DST: variants seen among roughly 807,000 people sequenced by gnomAD.
The protein encoded by DST is bullous pemphigoid antigen.
DST carries 253 observed loss-of-function variants against 875.2 expected under a neutral mutation model. The ratio of observed to expected loss-of-function variants is 0.29; its 90% CI spans 0.26 to 0.32. The LOEUF (loss-of-function observed/expected upper bound fraction) is 0.32, where lower values mean the gene tolerates loss of function less well. DST is among the 10% of genes least tolerant of loss of function. DST has a pLI of 1.00. For synonymous variants in DST, 3,124 were observed against 3,197.1 expected, an observed-to-expected ratio of 0.98 and a Z score of 0.77; for missense variants, 8,287 against 9,111.6, an observed-to-expected ratio of 0.91 and a Z score of 3.68.
In DST at chr6:56,618,113, T is replaced by C. The variant is rs147572287; in HGVS notation, c.4930-3629A>G. The C allele has an allele frequency of 1.3e-4, 211 of 1,614,064 alleles. No homozygotes were observed. In the African/African-American group the frequency reaches 2.4e-3, roughly 18 times the overall value. On this transcript the variant is annotated intron_variant, in intron 36 of 103. Transcript: ENST00000680361. Reference sequence around the variant, plus strand: ...AATTTCAGACAGTCTTGTAATGGGGTTTGTCTCATCAAAAGTTATCTGTAA... The same window carrying C: ...AATTTCAGACAGTCTTGTAATGGGGCTTGTCTCATCAAAAGTTATCTGTAA...
rs773910675 is a variant in DST at position 56,615,521 on chromosome 6, G to A, written c.4930-1037C>T. 7.9e-5 allele frequency: 127 copies of A among 1,613,976 alleles called. No homozygotes were observed. Among genetic ancestry groups the A allele is most frequent in the Middle Eastern group, 6.6e-4 (4 of 6,060 alleles). On this transcript the variant is annotated intron_variant, in intron 36 of 103. Transcript: ENST00000680361. ...CAGTTATTTAAACATGTCCCATTAG[G>A]AAGAATAGTAGAGGCTAGAAATTCC... is the stretch of plus-strand genomic sequence containing the variant.
chr6:56,892,118 T>C (rs1787853694), intron 3 of DST, among the ~76,000 whole-genome samples: 1 of 152,206 alleles, frequency 6.6e-6, no homozygotes, highest in Non-Finnish European at 1.5e-5. Context: ...ATGATCACAC[T>C]ACTCACCTAT....
chr6:56,888,324 A>T lies in DST; in HGVS notation c.417+12097T>A, dbSNP rs547051080. 5.3e-4 allele frequency among the ~76,000 whole-genome samples: 80 copies of T among 152,348 alleles called. 2 individuals carry two copies. In the South Asian group the frequency reaches 0.017, roughly 32 times the overall value. On this transcript the variant is annotated intron_variant, in intron 3 of 103. Transcript: ENST00000680361. ...GTACAGCAATATGTAGCAAAGACTC[A>T]GTACATTGAATGGGTGTCATTCAAA... is the stretch of plus-strand genomic sequence containing the variant.
intron 55 of DST, among the ~76,000 whole-genome samples, chr6:56,564,289 C>T (rs989537682): frequency 5.9e-5 from 9 of 152,152 alleles, no homozygotes; most frequent in African/African-American, 1.7e-4. Context: ...AGAGGTCCTT[C>T]GCATCCCTTG....
Position 56,552,779 on chromosome 6 carries a change from T to C in DST, c.16013A>G (p.Asp5338Gly). The part of the protein sequence containing the change: ...QVDLAKRLAQ[D>G]LVVEASDSKG... ...TGAGTCTGAGGCCTCTACCACAAGG[T>C]CCTGTGCAAGTCTTTTAGCCAAATC... is the stretch of plus-strand genomic sequence containing the variant. Residue 5338 changes from aspartate to glycine, a missense_variant, in exon 61 of 104, where the codon GAC becomes GGC. Physicochemically the swap from Asp to Gly is moderately conservative, Grantham distance 94 (BLOSUM62 -1). Around this residue, in one of 10 missense-constraint regions of DST, gnomAD observed 1,513 missense variants for 1,677.8 expected, o/e 0.90. Coordinates refer to ENST00000680361, the MANE Select transcript of DST (RefSeq NM_001374736.1). 1.9e-6 allele frequency: 3 copies of C among 1,610,650 alleles called. No homozygotes were observed. The highest frequency in any genetic ancestry group is 1.3e-5 in the African/African-American group (1 of 75,050).
At chr6:56,602,828 T>C in intron 43 of DST, 54 bp downstream of exon 43, 1 of 1,328,996 alleles carries the variant, frequency 7.5e-7, no homozygotes, top group Non-Finnish European at 9.9e-7. Context: ...ACTTGTTATA[T>C]ATTAAAGTCA....
At chr6:56,489,469 T>A in intron 86 of DST, 21 bp downstream of exon 86, 1 of 1,604,008 alleles carries the variant, frequency 6.2e-7, no homozygotes, top group South Asian at 1.1e-5. Flanking sequence ...GACAATATGC[T>A]CTTCTTAATT....
intron 3 of DST, among the ~76,000 whole-genome samples, chr6:56,896,667 G>A (rs1791462720): frequency 6.6e-6 from 1 of 152,202 alleles, no homozygotes; most frequent in Non-Finnish European, 1.5e-5. Flanking sequence ...CAGGAGTGAG[G>A]TGGTATCACC....
chr6:56,825,096 T>G (rs1402403484), intron 4 of DST, among the ~76,000 whole-genome samples: 1 of 151,838 alleles, frequency 6.6e-6, no homozygotes, highest in East Asian at 1.9e-4. Flanking sequence ...ATCGGATGGT[T>G]GCCGTGTCTG....
chr6:56,689,464 TA>T (rs550163996), intron 9 of DST, among the ~76,000 whole-genome samples: 167 of 152,286 alleles, frequency 1.1e-3, no homozygotes, highest in African/African-American at 3.9e-3. Context: ...GGTGTGTTTT[TA>T]AAAACACACG....
At chr6:56,527,300 A>G (rs1014414961) in intron 68 of DST, among the ~76,000 whole-genome samples, 193 bp downstream of exon 68, 2 of 152,148 alleles carry the variant, frequency 1.3e-5, no homozygotes, top group Non-Finnish European at 2.9e-5. Flanking sequence ...CAACAATTAT[A>G]ACATACTGTT....
intron 58 of DST, 117 bp from the exon 59 acceptor site, chr6:56,557,635 A>G (rs1584873309): frequency 1.3e-6 from 1 of 786,934 alleles, no homozygotes; most frequent in Non-Finnish European, 2.0e-6. Flanking sequence ...TCCCATTTTT[A>G]TGACTCTTGT....
At chr6:56,679,652 T>C (rs2099147666) in intron 9 of DST, among the ~76,000 whole-genome samples, 1 of 145,768 alleles carries the variant, frequency 6.9e-6, no homozygotes, top group Non-Finnish European at 1.5e-5. Flanking sequence ...GTGCCTGCGG[T>C]CCAAGCTTCC....
chr6:56,618,795 A>G, intron 36 of DST: 1 of 1,614,104 alleles, frequency 6.2e-7, no homozygotes, highest in Non-Finnish European at 8.5e-7. Context: ...GATTGTTTGA[A>G]TTTACCAGAT....
At chr6:56,904,210 C>A (rs1424147576) in intron 2 of DST, among the ~76,000 whole-genome samples, 1 of 152,106 alleles carries the variant, frequency 6.6e-6, no homozygotes, top group Non-Finnish European at 1.5e-5. Context: ...AAAAAGAAAT[C>A]AGGTGGAAAT....
At chr6:56,897,161 G>C (rs753860839) in intron 3 of DST, among the ~76,000 whole-genome samples, 2 of 152,010 alleles carry the variant, frequency 1.3e-5, no homozygotes, top group Non-Finnish European at 2.9e-5. Context: ...GATGAGGATC[G>C]GTTTCATTCT....
In DST at chr6:56,515,474, T is replaced by C; in HGVS notation, c.18552A>G (p.Leu6184=). Reference sequence around the variant, plus strand: ...CCCGATGTTCTTCCTGCTGCTGCCTTAGAGTTTCATATTCAAGGGCTGGGG... The same window carrying C: ...CCCGATGTTCTTCCTGCTGCTGCCTCAGAGTTTCATATTCAAGGGCTGGGG... The part of the protein sequence containing the change: ...LPAPALEYET[L]RQQQEEHRQL... Residue 6184 remains leucine, a synonymous_variant, in exon 72 of 104, where the codon CTA becomes CTG. Transcript: ENST00000680361. The C allele has an allele frequency of 6.2e-7, 1 of 1,613,856 alleles. No individual in the cohort carries two copies. Among genetic ancestry groups the C allele is most frequent in the Middle Eastern group, 1.7e-4 (1 of 6,060 alleles).
intron 49 of DST, among the ~76,000 whole-genome samples, chr6:56,589,923 C>T (rs904322551): frequency 6.6e-6 from 1 of 152,150 alleles, no homozygotes; most frequent in African/African-American, 2.4e-5. Flanking sequence ...AGATAGTATG[C>T]TACATGTAGA....
At chr6:56,937,368 T>C (rs1194518376) in intron 2 of DST, among the ~76,000 whole-genome samples, 1 of 152,148 alleles carries the variant, frequency 6.6e-6, no homozygotes, top group African/African-American at 2.4e-5. Context: ...ATTTGAACAC[T>C]TCACCAGAGA....
Sources: allele counts gnomAD v4.1 joint callset (sites outside exome capture counted in the v4.1 genomes callset), GRCh38; gene constraint gnomAD v4.1.1; regional missense constraint gnomAD v4.1.1; transcripts MANE v1.5; gene names NCBI Gene and HGNC (gene_info 2026-07-23, HGNC 2026-07-21).